Variants in FAM120B observed in about 807,000 individuals in gnomAD.
FAM120B encodes constitutive coactivator of peroxisome proliferator-activated receptor gamma.
A neutral mutation model predicts 96.3 loss-of-function variants in FAM120B; 83 were observed. The ratio of observed to expected loss-of-function variants is 0.86; its 90% confidence interval spans 0.72 to 1.03. The LOEUF is 1.03. Ranked by LOEUF, FAM120B falls within the 50% of genes least tolerant of loss-of-function variation. The probability of loss-of-function intolerance (pLI) is 0.00; values close to 1 mark genes in which losing one functional copy is unlikely to be tolerated. For missense variants in FAM120B, 1,027 were observed against 1,121.2 expected (o/e 0.92, Z 1.20); for synonymous variants, 407 against 402.7 (o/e 1.01, Z -0.13).
chr6:170,398,152 C>T (rs1778300029), intron 9 of FAM120B, among the ~76,000 whole-genome samples: 1 of 152,256 alleles, frequency 6.6e-6, no homozygotes, highest in African/African-American at 2.4e-5. Flanking sequence ...AGGCCTCCCA[C>T]TGATGGGACT....
Position 170,363,893 on chromosome 6 carries a change from C to T in FAM120B, c.2283+5575C>T, listed in dbSNP as rs375512794. On this transcript the variant is annotated intron_variant, in intron 6 of 10. Transcript: ENST00000476287. This position sits in a 1 kb window ranked among gnomAD's most constrained non-coding sequence, Gnocchi z 4.5. ...GATTACGGGCATGCACCACCACACC[C>T]AGCTAATTTTTGTATTTTCAATAGA... 6.6e-6 allele frequency among the ~76,000 whole-genome samples: 1 copy of T among 152,096 alleles called. No individual in the cohort carries two copies. The highest frequency in any genetic ancestry group is 2.4e-5 in the African/African-American group (1 of 41,416).
At chr6:170,294,155 T>C (rs1282406835), upstream of FAM120B, among the ~76,000 whole-genome samples, 1 of 152,174 alleles carries the variant, frequency 6.6e-6, no homozygotes, top group Non-Finnish European at 1.5e-5. The surrounding 1 kb of genome is among the most constrained non-coding windows in gnomAD (Gnocchi z 7.9). Flanking sequence ...CCAGGGTATG[T>C]TAAATAGGCT....
At chr6:170,384,571 G>C (rs1001063027) in intron 6 of FAM120B, among the ~76,000 whole-genome samples, 2 of 152,306 alleles carry the variant, frequency 1.3e-5, no homozygotes, top group South Asian at 4.1e-4. Context: ...AGAAAGGTCA[G>C]CGCCCCAGGA....
In FAM120B at chr6:170,335,750, C is replaced by G. The variant is rs891572728; in HGVS notation, c.2017+5200C>G. On this transcript the variant is annotated intron_variant, in intron 4 of 10. Coordinates refer to ENST00000476287, the MANE Select transcript of FAM120B (RefSeq NM_032448.3). ...GACTTTTTAATGATCACCATTCTGA[C>G]TGGCATGAAATGGTATCTCATTGTG... Among the ~76,000 whole-genome samples the G allele has an allele frequency of 5.3e-5, 8 of 152,324 alleles. No homozygotes were observed. The East Asian group carries it at 1.3e-3, about 26-fold the overall frequency.
At chr6:170,334,095 A>G (rs1786253882) in intron 4 of FAM120B, among the ~76,000 whole-genome samples, 1 of 152,170 alleles carries the variant, frequency 6.6e-6, no homozygotes, top group African/African-American at 2.4e-5. Flanking sequence ...GAGATTTGTC[A>G]ATTCTTCATT....
intron 5 of FAM120B, 78 bp from the exon 6 acceptor site, chr6:170,358,148 T>C (rs751578952): frequency 1.6e-6 from 2 of 1,267,870 alleles, no homozygotes; most frequent in South Asian, 2.6e-5. Flanking sequence ...ACACTCATAG[T>C]TAATAACTGA....
At chr6:170,293,923 A>G (rs1254589484), upstream of FAM120B, among the ~76,000 whole-genome samples, 1 of 152,140 alleles carries the variant, frequency 6.6e-6, no homozygotes, top group African/African-American at 2.4e-5. Flanking sequence ...TCGAGGTCCA[A>G]CTATTCATCC....
upstream of FAM120B, chr6:170,291,159 C>T: frequency 1.5e-6 from 1 of 652,664 alleles, no homozygotes; most frequent in Non-Finnish European, 2.8e-6. Flanking sequence ...GCCCCCAGCC[C>T]CCCCTTCCTC....
intron 6 of FAM120B, among the ~76,000 whole-genome samples, chr6:170,387,956 A>C (rs1390629656): frequency 6.6e-6 from 1 of 152,134 alleles, no homozygotes; most frequent in African/African-American, 2.4e-5. Flanking sequence ...CTCGGCCTAG[A>C]GGTTCCTGGG....
chr6:170,347,373 A>T (rs1391732313), intron 4 of FAM120B, among the ~76,000 whole-genome samples: 1 of 152,208 alleles, frequency 6.6e-6, no homozygotes, highest in East Asian at 1.9e-4. Context: ...TGTTTGTCAG[A>T]GTGTGGAAGC....
At chr6:170,357,553 A>G (rs1788031231) in intron 5 of FAM120B, among the ~76,000 whole-genome samples, 1 of 152,114 alleles carries the variant, frequency 6.6e-6, no homozygotes, top group African/African-American at 2.4e-5. Context: ...ATTTACTCTC[A>G]ACTAGGATTC....
intron 9 of FAM120B, among the ~76,000 whole-genome samples, chr6:170,402,043 T>G (rs887054410): frequency 1.4e-4 from 21 of 152,248 alleles, no homozygotes; most frequent in Non-Finnish European, 2.6e-4. Flanking sequence ...CCCTGCACCC[T>G]GCGTGTCCCA....
intron 6 of FAM120B, among the ~76,000 whole-genome samples, chr6:170,367,780 G>A (rs1788895597): frequency 6.6e-6 from 1 of 152,226 alleles, no homozygotes; most frequent in Non-Finnish European, 1.5e-5. Flanking sequence ...TTAGAAAAAT[G>A]AAGATATAAT....
At chr6:170,345,906 T>C (rs1195135284) in intron 4 of FAM120B, among the ~76,000 whole-genome samples, 1 of 152,210 alleles carries the variant, frequency 6.6e-6, no homozygotes, top group Non-Finnish European at 1.5e-5. Flanking sequence ...GGTGATTCTC[T>C]CATGAGAACA....
intron 6 of FAM120B, among the ~76,000 whole-genome samples, chr6:170,361,075 G>A (rs1486114620): frequency 1.3e-5 from 2 of 151,846 alleles, no homozygotes; most frequent in Admixed American, 6.6e-5. Flanking sequence ...TGTTGGGTAG[G>A]TGGCTCTTCT....
At chr6:170,345,191 A>T (rs1001016242) in intron 4 of FAM120B, among the ~76,000 whole-genome samples, 22 of 152,260 alleles carry the variant, frequency 1.4e-4, no homozygotes, top group Admixed American at 6.5e-4. Context: ...ATCCCAGAAT[A>T]AGTTTTGTTT....
Position 170,343,911 on chromosome 6 carries a change from A to G in FAM120B, c.2018-4240A>G, listed in dbSNP as rs1004473184. Among the ~76,000 whole-genome samples, 23 of 152,178 alleles carry G rather than the reference A, an allele frequency of 1.5e-4. 1 individual carries two copies. The highest frequency in any genetic ancestry group is 5.1e-4 in the African/African-American group (21 of 41,384). The stretch of plus-strand genomic sequence containing the variant: ...CCTCTGAAGACTGAGAACCGATGAA[A>G]TCGTTCAGTCCATTTGCTGGCACTG... On this transcript the variant is annotated intron_variant, in intron 4 of 10. Coordinates refer to ENST00000476287, the MANE Select transcript of FAM120B (RefSeq NM_032448.3).
intron 1 of FAM120B, among the ~76,000 whole-genome samples, chr6:170,313,636 AG>A (rs1784731414): frequency 1.3e-5 from 2 of 152,272 alleles, no homozygotes; most frequent in South Asian, 4.1e-4. Flanking sequence ...TTCTGTGCAA[AG>A]ATTATGGTTT....
chr6:170,348,076 T>G, intron 4 of FAM120B, 75 bp from the exon 5 acceptor site: 3 of 1,171,170 alleles, frequency 2.6e-6, no homozygotes, highest in Non-Finnish European at 3.6e-6. Flanking sequence ...TTCCTTTTAC[T>G]GTATTTCTAC....
Sources: gnomAD v4.1 joint callset for allele counts (sites outside exome capture counted in the v4.1 genomes callset) on GRCh38, gnomAD v4.1.1 for gene constraint, Gnocchi (gnomAD v3.1) non-coding constraint, MANE v1.5 for transcripts, NCBI Gene and HGNC (gene_info 2026-07-23, HGNC 2026-07-21) for gene names.